The following UVRAG variants were observed in gnomAD, a reference collection of about 807,000 sequenced individuals.
UVRAG encodes UV radiation resistance associated, also known as UV radiation resistance-associated gene protein.
A neutral mutation model predicts 78.0 loss-of-function variants in UVRAG; 19 were observed. The observed-to-expected ratio is 0.24, with a 90% CI of 0.17 to 0.36. The LOEUF (loss-of-function observed/expected upper bound fraction) is 0.36. UVRAG is among the 10% of genes least tolerant of loss of function. The pLI is 1.00. For synonymous variants in UVRAG, 323 were observed against 324.6 expected, an observed-to-expected ratio of 1.00 and a Z score of 0.05; for missense variants, 740 against 853.8, an observed-to-expected ratio of 0.87 and a Z score of 1.66.
At chr11:76,131,974 T>C (rs1952520409) in intron 14 of UVRAG, among the ~76,000 whole-genome samples, 1 of 152,248 alleles carries the variant, frequency 6.6e-6, no homozygotes, top group African/African-American at 2.4e-5. Flanking sequence ...GGTTGTTTTT[T>C]TGAAAAAACT....
chr11:75,951,325 A>ATGTG lies in UVRAG; in HGVS notation c.594-10087_594-10084dup, dbSNP rs71036071. ...TGAATGATTCTTTCTATAATCTGAA[A>ATGTG]TGTGTGTGTGTGTGTGTGTGTGTGT... is the stretch of plus-strand genomic sequence containing the variant. On this transcript the variant is annotated intron_variant, in intron 6 of 14. Transcript: ENST00000356136. 2.3e-3 allele frequency among the ~76,000 whole-genome samples: 339 copies of ATGTG among 149,584 alleles called. 1 individual carries two copies. Among genetic ancestry groups the ATGTG allele is most frequent in the East Asian group, 0.02 (101 of 5,018 alleles).
chr11:76,079,693 C>T (rs1037692437), intron 13 of UVRAG, among the ~76,000 whole-genome samples: 1 of 152,104 alleles, frequency 6.6e-6, no homozygotes. Flanking sequence ...TCATAAGAAG[C>T]TCATATACTT....
At position 76,004,048 on chromosome 11, in the gene UVRAG, G is replaced by A; in HGVS notation, c.870G>A (p.Lys290=). The A allele has an allele frequency of 1.2e-6, 2 of 1,614,044 alleles. No individual in the cohort carries two copies. The highest frequency in any genetic ancestry group is 1.7e-6 in the Non-Finnish European group (2 of 1,179,968). ...SAEHLKLQLQ[K]ESLNELRKEC... ...AGCACCTCAAACTTCAACTCCAGAA[G>A]GAATCCCTAAATGAGCTGAGGAAGG... The change falls in exon 9 of 15, where the codon AAG becomes AAA. Residue 290 remains lysine, a synonymous_variant. Transcript: ENST00000356136.
chr11:76,007,312 A>G (rs189710835), intron 9 of UVRAG, among the ~76,000 whole-genome samples: 32 of 152,230 alleles, frequency 2.1e-4, no homozygotes, highest in African/African-American at 7.0e-4. Flanking sequence ...TTAGCATGGT[A>G]CTAATCACAC....
intron 7 of UVRAG, among the ~76,000 whole-genome samples, chr11:75,963,403 G>A (rs1168411050): frequency 1.3e-5 from 2 of 152,130 alleles, no homozygotes; most frequent in Non-Finnish European, 2.9e-5. Context: ...TGGATAATTT[G>A]GTTTACTTGT....
intron 13 of UVRAG, among the ~76,000 whole-genome samples, chr11:76,075,542 C>G (rs1024175128): frequency 6.6e-6 from 1 of 151,744 alleles, no homozygotes; most frequent in Non-Finnish European, 1.5e-5. Flanking sequence ...TGGCTTGTAC[C>G]TGGGAGGCGG....
intron 14 of UVRAG, among the ~76,000 whole-genome samples, chr11:76,130,471 C>A (rs1401370142): frequency 6.6e-6 from 1 of 152,146 alleles, no homozygotes; most frequent in Non-Finnish European, 1.5e-5. Context: ...TATACTCTGC[C>A]TCCTTTAGGA....
chr11:75,929,584 T>A (rs753007215), intron 6 of UVRAG, among the ~76,000 whole-genome samples: 2 of 152,050 alleles, frequency 1.3e-5, no homozygotes, highest in Non-Finnish European at 2.9e-5. Context: ...TATTTTGGGG[T>A]GTATGTTGGT....
intron 7 of UVRAG, among the ~76,000 whole-genome samples, chr11:75,974,351 C>CTTTTTTT (rs1188190094): frequency 4.8e-5 from 4 of 83,700 alleles, no homozygotes; most frequent in Admixed American, 2.3e-4. Flanking sequence ...TAAATGTCTT[C>CTTTTTTT]TTTTTTTTTT....
At chr11:75,987,445 G>A (rs73493995) in intron 8 of UVRAG, among the ~76,000 whole-genome samples, 13,407 of 152,062 alleles carry the variant, frequency 0.088, 1,303 homozygotes, top group African/African-American at 0.24. Context: ...TGAATTTTCT[G>A]TTTTTACAGT....
At chr11:76,124,720 A>C (rs1388161125) in intron 14 of UVRAG, among the ~76,000 whole-genome samples, 1 of 152,238 alleles carries the variant, frequency 6.6e-6, no homozygotes, top group Admixed American at 6.5e-5. Context: ...TTTTAGTGGT[A>C]AAATCTCCAG....
chr11:76,107,635 G>A lies in UVRAG; in HGVS notation c.1306-8289G>A, dbSNP rs138884683. ...TTCTTGCAACCAGAGGCCCATAATC[G>A]AGTTTTTATATTTTTCCTTAGAGGT... On this transcript the variant is annotated intron_variant, in intron 13 of 14. Coordinates refer to ENST00000356136, the MANE Select transcript of UVRAG (RefSeq NM_003369.4). Among the ~76,000 whole-genome samples the A allele has an allele frequency of 4.7e-3, 716 of 152,210 alleles. 2 individuals are homozygous for A. The highest frequency in any genetic ancestry group is 5.5e-3 in the Non-Finnish European group (373 of 68,006).
chr11:76,006,660 CAAAA>C (rs762221601), intron 9 of UVRAG, among the ~76,000 whole-genome samples: 511 of 62,294 alleles, frequency 8.2e-3, no homozygotes, highest in African/African-American at 0.037. Flanking sequence ...GACCCCGTCT[CAAAA>C]AAAAAAAAAA....
At chr11:75,974,319 T>A (rs1949186353) in intron 7 of UVRAG, among the ~76,000 whole-genome samples, 1 of 152,046 alleles carries the variant, frequency 6.6e-6, no homozygotes, top group African/African-American at 2.4e-5. Flanking sequence ...GATGAGCATT[T>A]TTAATGTGTC....
intron 14 of UVRAG, among the ~76,000 whole-genome samples, chr11:76,119,463 T>C (rs1952238229): frequency 6.6e-6 from 1 of 152,214 alleles, no homozygotes; most frequent in Non-Finnish European, 1.5e-5. Context: ...CTGCACACTC[T>C]GGATAGCCAG....
At chr11:75,926,254 CT>C (rs1025556557) in intron 6 of UVRAG, among the ~76,000 whole-genome samples, 2 of 152,156 alleles carry the variant, frequency 1.3e-5, no homozygotes, top group African/African-American at 4.8e-5. Flanking sequence ...GGTCTTTTTA[CT>C]TCTTTTCTCC....
At chr11:76,031,719 G>T (rs1312767179) in intron 12 of UVRAG, among the ~76,000 whole-genome samples, 2 of 152,182 alleles carry the variant, frequency 1.3e-5, no homozygotes, top group Non-Finnish European at 2.9e-5. Context: ...GCTTGCAGGG[G>T]CTGGGGGGAC....
chr11:76,000,821 C>T (rs1949800181), intron 8 of UVRAG, among the ~76,000 whole-genome samples: 1 of 152,002 alleles, frequency 6.6e-6, no homozygotes. Flanking sequence ...AAAGACGTAA[C>T]AATTCTAAAT....
chr11:76,054,610 G>A (rs1341898315), intron 12 of UVRAG, among the ~76,000 whole-genome samples: 1 of 152,170 alleles, frequency 6.6e-6, no homozygotes, highest in Admixed American at 6.5e-5. Flanking sequence ...GACTATACCA[G>A]GCATTCCTGT....
Sources: gnomAD v4.1 joint callset for allele counts (sites outside exome capture counted in the v4.1 genomes callset) on GRCh38, gnomAD v4.1.1 for gene constraint, MANE v1.5 for transcripts, NCBI Gene and HGNC (gene_info 2026-07-23, HGNC 2026-07-21) for gene names.